The following SLC2A13 variants were observed in gnomAD, a reference collection of about 807,000 sequenced individuals.
SLC2A13 encodes the protein proton myo-inositol cotransporter.
Under a neutral mutation model 64.4 loss-of-function variants are expected in SLC2A13, and 32 were observed. That is an observed-to-expected ratio of 0.50 (90% confidence interval 0.37 to 0.67). The LOEUF (loss-of-function observed/expected upper bound fraction) is 0.67, where lower values mean the gene tolerates loss of function less well. Among genes scored for constraint, SLC2A13 ranks in the 30% least tolerant of loss-of-function variants. The pLI is 0.00. For missense variants in SLC2A13, 743 were observed against 829.2 expected (o/e 0.90, Z 1.28); for synonymous variants, 338 against 327.1 (o/e 1.03, Z -0.36).
In SLC2A13 at chr12:40,105,464, C is replaced by T. The variant is rs986560310; in HGVS notation, c.345G>A (p.Leu115=). Residue 115 remains leucine, a synonymous_variant, in exon 1 of 10, where the codon CTG becomes CTA. Transcript: ENST00000280871. This position sits in a 1 kb window ranked among gnomAD's most constrained non-coding sequence, Gnocchi z 4.2. ...AMLLLKRQLS[L]DALWQELLVS... is the part of the protein sequence containing the mutation. ...CCAGCAGCTCCTGCCACAGCGCGTC[C>T]AGACTGAGCTGCCGCTTGAGCAGCA... The T allele has an allele frequency of 4.5e-6, 7 of 1,562,474 alleles. No homozygotes were observed. Among genetic ancestry groups the T allele is most frequent in the Non-Finnish European group, 5.2e-6 (6 of 1,154,216 alleles).
chr12:39,896,339 T>C (rs988191714), intron 4 of SLC2A13, among the ~76,000 whole-genome samples: 2 of 137,946 alleles, frequency 1.4e-5, no homozygotes, highest in East Asian at 2.4e-4. Context: ...TATATATGTA[T>C]ACATATATGT....
intron 6 of SLC2A13, among the ~76,000 whole-genome samples, chr12:39,860,206 A>G (rs569119556): frequency 6.6e-6 from 1 of 152,348 alleles, no homozygotes; most frequent in African/African-American, 2.4e-5. Flanking sequence ...TTTGGACCTC[A>G]GTAAGGAAAC....
At position 40,040,112 on chromosome 12, in the gene SLC2A13, T is replaced by TA. The variant is rs1948060111; in HGVS notation, c.716+7938dup. 2.0e-5 allele frequency among the ~76,000 whole-genome samples: 3 copies of TA among 152,316 alleles called. No homozygotes were observed. The South Asian group carries it at 6.2e-4, about 32-fold the overall frequency. ...GTGAGAGCAATTTTTATTGCCAGCTTAAATGCCGAATATAGAGACTTAACC... is the reference window on the plus strand; with the variant it reads ...GTGAGAGCAATTTTTATTGCCAGCTTAAAATGCCGAATATAGAGACTTAACC... On this transcript the variant is annotated intron_variant, in intron 2 of 9. Transcript: ENST00000280871.
At chr12:39,823,147 A>T (rs140110442) in intron 7 of SLC2A13, among the ~76,000 whole-genome samples, 130 of 152,352 alleles carry the variant, frequency 8.5e-4, no homozygotes, top group Middle Eastern at 3.4e-3. Context: ...ATCTACCATA[A>T]TGACTTCTAT....
At chr12:39,975,458 T>C (rs1219741163) in intron 3 of SLC2A13, among the ~76,000 whole-genome samples, 1 of 152,260 alleles carries the variant, frequency 6.6e-6, no homozygotes. Context: ...TGTTCAGTGA[T>C]GACTTAGACA....
intron 9 of SLC2A13, 72 bp from the exon 10 acceptor site, chr12:39,760,324 T>G: frequency 7.1e-7 from 1 of 1,407,650 alleles, no homozygotes; most frequent in Non-Finnish European, 9.6e-7. Context: ...GATTACTTGA[T>G]TTTGACTTTT....
chr12:39,921,583 G>C (rs1565543038), intron 4 of SLC2A13, among the ~76,000 whole-genome samples: 1 of 152,054 alleles, frequency 6.6e-6, no homozygotes, highest in Non-Finnish European at 1.5e-5. Flanking sequence ...CCTCCAAAAG[G>C]TGTCAGTGCA....
intron 4 of SLC2A13, among the ~76,000 whole-genome samples, chr12:39,887,840 G>C (rs1373133453): frequency 6.6e-6 from 1 of 152,220 alleles, no homozygotes; most frequent in Non-Finnish European, 1.5e-5. Context: ...AATGAGGTCT[G>C]TCTCATGGTT....
chr12:40,042,163 T>G (rs1948099795), intron 2 of SLC2A13, among the ~76,000 whole-genome samples: 1 of 152,168 alleles, frequency 6.6e-6, no homozygotes, highest in Non-Finnish European at 1.5e-5. Context: ...TGATGAAACA[T>G]GAAAATGACT....
chr12:39,793,194 T>C (rs749908738), intron 7 of SLC2A13, among the ~76,000 whole-genome samples: 15 of 152,136 alleles, frequency 9.9e-5, no homozygotes, highest in Non-Finnish European at 1.9e-4. Context: ...TATTTATATA[T>C]ACTACAATCA....
At chr12:39,895,965 CAT>C (rs1156610613) in intron 4 of SLC2A13, among the ~76,000 whole-genome samples, 6 of 133,980 alleles carry the variant, frequency 4.5e-5, no homozygotes, top group Non-Finnish European at 4.8e-5. Context: ...TGTATATATA[CAT>C]GTGTATATGT....
chr12:39,989,202 T>C (rs1434860456), intron 3 of SLC2A13, among the ~76,000 whole-genome samples: 1 of 152,174 alleles, frequency 6.6e-6, no homozygotes, highest in Non-Finnish European at 1.5e-5. Flanking sequence ...AATTCTGCTT[T>C]ACCCACACAG....
intron 4 of SLC2A13, among the ~76,000 whole-genome samples, chr12:39,927,273 T>G (rs1945746227): frequency 6.6e-6 from 1 of 152,300 alleles, no homozygotes; most frequent in Non-Finnish European, 1.5e-5. Context: ...GCAAGTTTGC[T>G]TCTACCTTTG....
intron 1 of SLC2A13, among the ~76,000 whole-genome samples, chr12:40,075,840 ATC>A (rs747773040): frequency 2.6e-5 from 4 of 151,726 alleles, no homozygotes; most frequent in African/African-American, 9.7e-5. Context: ...ACTTATATTT[ATC>A]TGTCTTAAGT....
chr12:40,062,096 G>A (rs1948432849), intron 1 of SLC2A13, among the ~76,000 whole-genome samples: 1 of 151,880 alleles, frequency 6.6e-6, no homozygotes, highest in Non-Finnish European at 1.5e-5. Context: ...AGACAACTGG[G>A]TATCCATGTG....
rs1428135073 is a variant in SLC2A13 at position 40,065,139 on chromosome 12, GTA to G, written c.557-16931_557-16930del. On this transcript the variant is annotated intron_variant, in intron 1 of 9. Coordinates refer to ENST00000280871, the MANE Select transcript of SLC2A13 (RefSeq NM_052885.4). The stretch of plus-strand genomic sequence containing the variant: ...AGTGAGATCAGAAAGCAAAATGAAG[GTA>G]ACTCCAGTCCACAGGAGGCTACCTG... Among the ~76,000 whole-genome samples the G allele has an allele frequency of 4.6e-5, 7 of 152,048 alleles. No homozygotes were observed. In the East Asian group the frequency reaches 1.3e-3, roughly 29 times the overall value.
intron 3 of SLC2A13, among the ~76,000 whole-genome samples, 195 bp from the exon 4 acceptor site, chr12:39,951,560 G>T (rs1196283396): frequency 1.3e-5 from 2 of 152,022 alleles, no homozygotes; most frequent in Non-Finnish European, 2.9e-5. Flanking sequence ...TTTTGTTTTT[G>T]TTTTTAGTTT....
intron 1 of SLC2A13, among the ~76,000 whole-genome samples, chr12:40,093,737 C>G (rs1205410859): frequency 6.6e-6 from 1 of 152,032 alleles, no homozygotes; most frequent in Non-Finnish European, 1.5e-5. Context: ...GGAAGGATGT[C>G]TATTGTGTTC....
At chr12:39,945,784 T>C (rs1036006261) in intron 4 of SLC2A13, among the ~76,000 whole-genome samples, 1 of 152,178 alleles carries the variant, frequency 6.6e-6, no homozygotes, top group Non-Finnish European at 1.5e-5. Context: ...TTCCTTGCAG[T>C]GGGCTTTGCT....
Sources: gnomAD v4.1 joint callset for allele counts (sites outside exome capture counted in the v4.1 genomes callset) on GRCh38, gnomAD v4.1.1 for gene constraint, Gnocchi (gnomAD v3.1) non-coding constraint, MANE v1.5 for transcripts, NCBI Gene and HGNC (gene_info 2026-07-23, HGNC 2026-07-21) for gene names.